The following ERC1 variants were observed in gnomAD, a reference collection of about 807,000 sequenced individuals.
ERC1 encodes ELKS/RAB6-interacting/CAST family member 1, also known as RAB6 interacting protein 2.
ERC1 carries 56 observed loss-of-function variants against 132.0 expected under a neutral mutation model. The ratio of observed to expected loss-of-function variants is 0.42; its 90% confidence interval spans 0.34 to 0.53. The LOEUF (loss-of-function observed/expected upper bound fraction) is 0.53, where lower values mean the gene tolerates loss of function less well. ERC1 is among the 20% of genes least tolerant of loss of function. ERC1 has a pLI of 0.03. For missense variants in ERC1, 1,202 were observed against 1,349.9 expected (o/e 0.89, Z 1.72); for synonymous variants, 478 against 476.1 (o/e 1.00, Z -0.05).
At chr12:1,015,373 C>T (rs1219207615) in intron 1 of ERC1, among the ~76,000 whole-genome samples, 1 of 151,838 alleles carries the variant, frequency 6.6e-6, no homozygotes, top group Non-Finnish European at 1.5e-5. Context: ...TTTTTCTTTT[C>T]TTTTTTTTAA....
In ERC1 at chr12:1,093,957, CTATA is replaced by C. The variant is rs202076174; in HGVS notation, c.1086+10402_1086+10405del. Among the ~76,000 whole-genome samples, 220 of 68,888 alleles carry C rather than the reference CTATA, an allele frequency of 3.2e-3. 8 individuals carry two copies. The highest frequency in any genetic ancestry group is 0.011 in the South Asian group (18 of 1,654). The allele number at this position is 68,888 out of a possible 152,430, so 45.2% of individuals were successfully genotyped here. ...TTTCTATATAAATATATATATTTTT[CTATA>C]TATATATATATATATATATATATAG... is the stretch of plus-strand genomic sequence containing the variant. On this transcript the variant is annotated intron_variant, in intron 3 of 18. Coordinates refer to ENST00000360905, the MANE Select transcript of ERC1 (RefSeq NM_178040.4).
intron 15 of ERC1, among the ~76,000 whole-genome samples, chr12:1,356,276 A>C (rs1450023693): frequency 6.6e-6 from 1 of 151,318 alleles, no homozygotes; most frequent in African/African-American, 2.4e-5. Context: ...TTGAGGAAGA[A>C]GAGATCCAGA....
intron 4 of ERC1, among the ~76,000 whole-genome samples, chr12:1,106,998 G>C (rs1945335435): frequency 6.6e-6 from 1 of 152,138 alleles, no homozygotes; most frequent in Admixed American, 6.5e-5. Context: ...ATCTAGTGTA[G>C]TCTTTAGGGA....
At chr12:1,158,301 T>G (rs919376002) in intron 8 of ERC1, among the ~76,000 whole-genome samples, 5 of 152,208 alleles carry the variant, frequency 3.3e-5, no homozygotes, top group Admixed American at 6.5e-5. Context: ...TATTGTGTTG[T>G]TTTTTGTAAA....
rs1396238234 is a variant in ERC1 at position 1,116,540 on chromosome 12, G to C, written c.1569+507G>C. Among the ~76,000 whole-genome samples, 3 of 151,452 alleles carry C rather than the reference G, an allele frequency of 2.0e-5. No individual in the cohort carries two copies. In the East Asian group the frequency reaches 5.8e-4, roughly 29 times the overall value. ...ATTAGACAATGTGTCTTCATATCCTGTTTGAAAATAAAGTTAGTGTTTTTA... is the reference window on the plus strand; with the variant it reads ...ATTAGACAATGTGTCTTCATATCCTCTTTGAAAATAAAGTTAGTGTTTTTA... On this transcript the variant is annotated intron_variant, in intron 7 of 18. Coordinates refer to ENST00000360905, the MANE Select transcript of ERC1 (RefSeq NM_178040.4).
intron 12 of ERC1, among the ~76,000 whole-genome samples, chr12:1,199,781 G>A (rs76937623): frequency 0.45 from 66,070 of 148,056 alleles, 16,250 homozygotes; most frequent in African/African-American, 0.68. Flanking sequence ...TCCCATCTCA[G>A]AAAAGAAAAA....
chr12:1,306,094 A>G (rs1828317799), intron 15 of ERC1, among the ~76,000 whole-genome samples: 1 of 152,098 alleles, frequency 6.6e-6, no homozygotes, highest in African/African-American at 2.4e-5. Context: ...TTTCCAGTAT[A>G]CTTTAAAGAA....
At chr12:1,463,669 C>A (rs923886015) in intron 18 of ERC1, among the ~76,000 whole-genome samples, 1 of 138,560 alleles carries the variant, frequency 7.2e-6, no homozygotes, top group South Asian at 2.2e-4. Flanking sequence ...CGCTGGAGAA[C>A]GGGAAGAGAG....
At chr12:1,349,024 C>G (rs574190217) in intron 15 of ERC1, among the ~76,000 whole-genome samples, 2 of 152,314 alleles carry the variant, frequency 1.3e-5, no homozygotes, top group East Asian at 1.9e-4. Context: ...CATATTTTCT[C>G]CTGTCCCGTG....
chr12:1,159,165 C>T (rs558482092), intron 8 of ERC1, among the ~76,000 whole-genome samples: 1 of 152,070 alleles, frequency 6.6e-6, no homozygotes, highest in South Asian at 2.1e-4. Context: ...CAGTTTTGAC[C>T]CTATTTTGTT....
chr12:1,232,115 C>G (rs1457115543), intron 12 of ERC1, among the ~76,000 whole-genome samples: 1 of 152,142 alleles, frequency 6.6e-6, no homozygotes, highest in Admixed American at 6.5e-5. Context: ...CTCATTCCCT[C>G]CTGATCTGCA....
intron 14 of ERC1, among the ~76,000 whole-genome samples, chr12:1,285,089 A>C (rs2078955817): frequency 6.6e-6 from 1 of 152,162 alleles, no homozygotes; most frequent in South Asian, 2.1e-4. Flanking sequence ...TGGAAGTAAG[A>C]GTTTTGAATG....
intron 2 of ERC1, among the ~76,000 whole-genome samples, chr12:1,078,865 CAAAAGT>C (rs1941755624): frequency 6.7e-6 from 1 of 149,416 alleles, no homozygotes; most frequent in Non-Finnish European, 1.5e-5. Context: ...TGTAATATGA[CAAAAGT>C]CGATATACAA....
At chr12:1,264,675 A>T (rs1273440370) in intron 14 of ERC1, among the ~76,000 whole-genome samples, 1 of 152,160 alleles carries the variant, frequency 6.6e-6, no homozygotes, top group African/African-American at 2.4e-5. Flanking sequence ...AACAAAAAAA[A>T]AAAGATTTCA....
At chr12:1,366,502 A>T (rs1278532700) in intron 15 of ERC1, among the ~76,000 whole-genome samples, 1 of 152,230 alleles carries the variant, frequency 6.6e-6, no homozygotes, top group African/African-American at 2.4e-5. Flanking sequence ...AGGACATAAC[A>T]TAAACCTAAG....
At chr12:1,268,545 C>T (rs1182433971) in intron 14 of ERC1, among the ~76,000 whole-genome samples, 1 of 152,160 alleles carries the variant, frequency 6.6e-6, no homozygotes, top group Admixed American at 6.5e-5. Flanking sequence ...GGAAGAGGGG[C>T]AAGCCTGAAA....
chr12:1,454,036 ACT>A, intron 18 of ERC1, among the ~76,000 whole-genome samples: 1 of 151,700 alleles, frequency 6.6e-6, no homozygotes, highest in East Asian at 1.9e-4. Flanking sequence ...GATGGTTGGG[ACT>A]CTCCAGCCCA....
At chr12:1,300,158 G>C (rs981512141) in intron 15 of ERC1, among the ~76,000 whole-genome samples, 1 of 151,984 alleles carries the variant, frequency 6.6e-6, no homozygotes, top group Non-Finnish European at 1.5e-5. Context: ...CAGAAATAAG[G>C]CTGTACACCT....
chr12:1,014,837 C>G (rs1214927110), intron 1 of ERC1, among the ~76,000 whole-genome samples: 2 of 151,918 alleles, frequency 1.3e-5, no homozygotes, highest in Non-Finnish European at 2.9e-5. Flanking sequence ...AATCTCAGCT[C>G]ACTGCAACCT....
Sources: allele counts gnomAD v4.1 joint callset (sites outside exome capture counted in the v4.1 genomes callset), GRCh38; gene constraint gnomAD v4.1.1; transcripts MANE v1.5; gene names NCBI Gene and HGNC (gene_info 2026-07-23, HGNC 2026-07-21).